The following HUS1 variants were observed in gnomAD, a reference collection of about 807,000 sequenced individuals.
HUS1 encodes the protein HUS1 checkpoint clamp component.
A neutral mutation model predicts 32.6 loss-of-function variants in HUS1; 31 were observed. That is an observed-to-expected ratio of 0.95 (90% CI 0.72 to 1.28). The LOEUF is 1.28. Among genes scored for constraint, HUS1 ranks in the 50% most tolerant of loss-of-function variants. The probability of loss-of-function intolerance (pLI) is 0.00; values close to 1 mark genes in which losing one functional copy is unlikely to be tolerated. For synonymous variants in HUS1, 123 were observed against 116.6 expected (o/e 1.06, Z -0.36); for missense variants, 340 against 337.7 (o/e 1.01, Z -0.05).
In HUS1 at chr7:47,974,093, T is replaced by C. The variant is rs3176542; in HGVS notation, c.540+1520A>G. 7.6e-3 allele frequency among the ~76,000 whole-genome samples: 1,156 copies of C among 152,334 alleles called. 21 individuals are homozygous for C. Among genetic ancestry groups the C allele is most frequent in the African/African-American group, 0.026 (1,083 of 41,572 alleles). On this transcript the variant is annotated intron_variant, in intron 5 of 7. Coordinates refer to ENST00000258774, the MANE Select transcript of HUS1 (RefSeq NM_004507.4). The stretch of plus-strand genomic sequence containing the variant: ...GGTCCAATGACAGCATTGCTCTTAG[T>C]GTGCAGAACTCTAGAAAAAAACAGT...
intron 5 of HUS1, chr7:47,971,413 T>G (rs1441605808): frequency 4.4e-6 from 2 of 455,744 alleles, no homozygotes; most frequent in African/African-American, 4.0e-5. Flanking sequence ...CTACTCCTGC[T>G]CTTGCTGCCC....
At chr7:47,967,722 T>A in intron 7 of HUS1, 84 bp downstream of exon 7, 3 of 1,013,438 alleles carry the variant, frequency 3.0e-6, no homozygotes, top group Non-Finnish European at 4.2e-6. Context: ...TTTATGAGAC[T>A]ATATGCAATC....
chr7:47,968,738 T>G (rs970075686), intron 6 of HUS1: 1 of 154,250 alleles, frequency 6.5e-6, no homozygotes, highest in Non-Finnish European at 1.4e-5. Context: ...CTTGCTGAAC[T>G]GACTCTATCG....
Position 47,978,541 on chromosome 7 carries a change from T to C in HUS1, c.233A>G (p.Glu78Gly). ...TTCCGATGTTAGCTCTAAATAAATC[T>C]CATTGTTTTCTGCAGAGACACCCTC... ...QMEGVSAENN[E>G]IYLELTSENL... The change falls in exon 3 of 8, where the codon GAG becomes GGG. Residue 78 changes from glutamate (E) to glycine (G), a missense_variant. Coordinates refer to ENST00000258774, the MANE Select transcript of HUS1 (RefSeq NM_004507.4). 1 of 1,614,192 alleles carries C rather than the reference T, an allele frequency of 6.2e-7. No homozygotes were observed. The highest frequency in any genetic ancestry group is 1.1e-5 in the South Asian group (1 of 91,088).
intron 5 of HUS1, among the ~76,000 whole-genome samples, chr7:47,972,080 C>G (rs1788611088): frequency 6.6e-6 from 1 of 152,096 alleles, no homozygotes; most frequent in African/African-American, 2.4e-5. Flanking sequence ...TATTTCCTAA[C>G]CCGTTTTCCT....
intron 3 of HUS1, 60 bp downstream of exon 3, chr7:47,978,357 C>A: frequency 7.0e-7 from 1 of 1,430,020 alleles, no homozygotes; most frequent in Middle Eastern, 1.8e-4. Flanking sequence ...GCTAGGCTAA[C>A]TATGTCTATT....
chr7:47,977,301 G>C (rs1788725281), intron 3 of HUS1, among the ~76,000 whole-genome samples: 1 of 152,166 alleles, frequency 6.6e-6, no homozygotes, highest in Non-Finnish European at 1.5e-5. Flanking sequence ...ATGTAAAGCC[G>C]TGAGGCAGAA....
rs779634355 is a variant in HUS1, at chr7:47,975,594, T to G, written c.540+19A>C. On this transcript the variant is annotated intron_variant, in intron 5 of 7. Transcript: ENST00000258774. ...CACCAAATACTTCAGAGTTCTTTTC[T>G]AAAGAAGTTGTGACTTACAAGGTGA... 6.5e-7 allele frequency: 1 copy of G among 1,546,956 alleles called. No homozygotes were observed. The highest frequency in any genetic ancestry group is 1.1e-5 in the South Asian group (1 of 89,332).
intron 6 of HUS1, chr7:47,968,844 G>A (rs1788535066): frequency 1.2e-5 from 2 of 171,372 alleles, no homozygotes; most frequent in African/African-American, 2.4e-5. Context: ...AACTGAAGGA[G>A]GAGAATATAA....
In HUS1 at chr7:47,965,061, C is replaced by T. The variant is rs183344163; in HGVS notation, c.*295G>A. ...TACTACACCAAGTCTAAATACATGA[C>T]GATTTTCACAACATCAATGAGAAAT... On this transcript the variant is annotated 3_prime_UTR_variant, in exon 8 of 8. Coordinates refer to ENST00000258774, the MANE Select transcript of HUS1 (RefSeq NM_004507.4). The T allele has an allele frequency of 4.6e-4, 132 of 290,102 alleles. No individual in the cohort carries two copies. In the East Asian group the frequency reaches 5.1e-3, roughly 11 times the overall value. 18.0% of individuals were successfully genotyped at this position (290,102 alleles called of 1,614,324 possible).
chr7:47,969,335 T>G lies in HUS1; in HGVS notation c.541-17A>C, dbSNP rs1257517163. 7.2e-7 allele frequency: 1 copy of G among 1,387,050 alleles called. No individual in the cohort carries two copies. The highest frequency in any genetic ancestry group is 1.0e-6 in the Non-Finnish European group (1 of 987,536). 85.9% of individuals were successfully genotyped at this position (1,387,050 alleles called of 1,614,324 possible). ...TTCAATAACCTGCAAATTGAGTATTTTACATAGTCTTAGAAAAGGAAGCCA... is the reference window on the plus strand; with the variant it reads ...TTCAATAACCTGCAAATTGAGTATTGTACATAGTCTTAGAAAAGGAAGCCA... On this transcript the variant is annotated splice_polypyrimidine_tract_variant and intron_variant, in intron 5 of 7. Coordinates refer to ENST00000258774, the MANE Select transcript of HUS1 (RefSeq NM_004507.4).
In HUS1 at chr7:47,969,202, C is replaced by A. The variant is rs1788543629; in HGVS notation, c.640+17G>T. ...TTAACTTATCCAAAGCAAAATATAA[C>A]CCACTAGAAAACTTACCTAATGGAG... On this transcript the variant is annotated intron_variant, in intron 6 of 7. Coordinates refer to ENST00000258774, the MANE Select transcript of HUS1 (RefSeq NM_004507.4). 1.6e-6 allele frequency: 2 copies of A among 1,271,012 alleles called. No individual in the cohort carries two copies. Among genetic ancestry groups the A allele is most frequent in the Non-Finnish European group, 2.3e-6 (2 of 884,578 alleles). 78.7% of individuals were successfully genotyped at this position (1,271,012 alleles called of 1,614,324 possible).
rs925747121 is a variant in HUS1, at chr7:47,963,308, C to A, written c.*2048G>T. On this transcript the variant is annotated 3_prime_UTR_variant, in exon 8 of 8. Coordinates refer to ENST00000258774, the MANE Select transcript of HUS1 (RefSeq NM_004507.4). ...ACTTCTTGAATCTCAACTAAGGTTT[C>A]TTTAGCCACATTCTACACAAAGATA... The A allele has an allele frequency of 6.6e-6, 1 of 152,224 alleles. No homozygotes were observed. Among genetic ancestry groups the A allele is most frequent in the Admixed American group, 6.5e-5 (1 of 15,288 alleles). 9.4% of individuals were successfully genotyped at this position (152,224 alleles called of 1,614,324 possible).
chr7:47,979,584 T>C lies in HUS1; in HGVS notation c.-65A>G. 1.3e-5 allele frequency: 17 copies of C among 1,299,688 alleles called. No homozygotes were observed. The highest frequency in any genetic ancestry group is 1.9e-5 in the Non-Finnish European group (17 of 903,038). The allele number at this position is 1,299,688 out of a possible 1,614,324, so 80.5% of individuals were successfully genotyped here. A position where few individuals can be genotyped will look rare whatever the true frequency, so the allele number is the denominator to read the frequency against. ...ACAGAAAAGCGTCGCGCCCTGAGTG[T>C]CCCCGCCCGGAAACACGGCAGCGCG... is the stretch of plus-strand genomic sequence containing the variant. On this transcript the variant is annotated 5_prime_UTR_variant, in exon 1 of 8. Transcript: ENST00000258774.
chr7:47,978,502 G>C lies in HUS1; in HGVS notation c.272C>G (p.Ala91Gly). The C allele has an allele frequency of 6.2e-7, 1 of 1,614,144 alleles. No homozygotes were observed. Among genetic ancestry groups the C allele is most frequent in the Non-Finnish European group, 8.5e-7 (1 of 1,179,984 alleles). ...LELTSENLSRALKTAQNARAL... is the reference protein window; with the variant it reads ...LELTSENLSRGLKTAQNARAL... Reference sequence around the variant, plus strand: ...CCTGGCATTCTGGGCAGTCTTCAAGGCTCGAGATAAGTTTTCCGATGTTAG... The same window carrying C: ...CCTGGCATTCTGGGCAGTCTTCAAGCCTCGAGATAAGTTTTCCGATGTTAG... Residue 91 changes from alanine (A) to glycine (G), a missense_variant, in exon 3 of 8, where the codon GCC becomes GGC. Ala to Gly is a moderately conservative substitution (Grantham distance 60, BLOSUM62 0). Coordinates refer to ENST00000258774, the MANE Select transcript of HUS1 (RefSeq NM_004507.4).
intron 3 of HUS1, among the ~76,000 whole-genome samples, chr7:47,977,324 G>C (rs1788726270): frequency 6.6e-6 from 1 of 152,176 alleles, no homozygotes; most frequent in South Asian, 2.1e-4. Context: ...AAGCAAGCCT[G>C]CTATGTTGAC....
intron 3 of HUS1, among the ~76,000 whole-genome samples, chr7:47,977,367 G>A (rs1447268247): frequency 6.6e-6 from 1 of 151,158 alleles, no homozygotes; most frequent in Non-Finnish European, 1.5e-5. Flanking sequence ...TTGGGCATAG[G>A]ACACTCAGAG....
Position 47,965,275 on chromosome 7 carries a change from C to T in HUS1, c.*81G>A, listed in dbSNP as rs951484506. 2 of 884,898 alleles carry T rather than the reference C, an allele frequency of 2.3e-6. No individual in the cohort carries two copies. Among genetic ancestry groups the T allele is most frequent in the South Asian group, 1.3e-5 (1 of 75,876 alleles). The allele number at this position is 884,898 out of a possible 1,614,324, so 54.8% of individuals were successfully genotyped here. The stretch of plus-strand genomic sequence containing the variant: ...GTCGATGTGCGGTGCTGTGAGGGCA[C>T]AGACCAGTGATCAGAACACAACACC... On this transcript the variant is annotated 3_prime_UTR_variant, in exon 8 of 8. Transcript: ENST00000258774.
At chr7:47,975,088 C>T (rs557108087) in intron 5 of HUS1, among the ~76,000 whole-genome samples, 53 of 152,140 alleles carry the variant, frequency 3.5e-4, no homozygotes, top group Admixed American at 2.4e-3. Context: ...CCTAGGCGGG[C>T]GGACCACGAG....
Sources: allele counts gnomAD v4.1 joint callset (sites outside exome capture counted in the v4.1 genomes callset), GRCh38; gene constraint gnomAD v4.1.1; transcripts MANE v1.5; gene names NCBI Gene and HGNC (gene_info 2026-07-23, HGNC 2026-07-21).